The following TENM3 variants were observed in gnomAD, a reference collection of about 807,000 sequenced individuals.
TENM3 encodes the protein teneurin-3.
TENM3 carries 63 observed loss-of-function variants against 255.1 expected under a neutral mutation model. The ratio of observed to expected loss-of-function variants is 0.25; its 90% CI spans 0.20 to 0.30. The LOEUF (loss-of-function observed/expected upper bound fraction) is 0.30, where lower values mean the gene tolerates loss of function less well. Ranked by LOEUF, TENM3 falls within the 10% of genes least tolerant of loss-of-function variation. The pLI, the probability that TENM3 is intolerant of heterozygous loss-of-function variation, is 1.00. For synonymous variants in TENM3, 1,306 were observed against 1,322.3 expected (o/e 0.99, Z 0.27); for missense variants, 2,929 against 3,461.1 (o/e 0.85, Z 3.86).
the TENM3 span, among the ~76,000 whole-genome samples, chr4:181,913,210 C>T: frequency 2.0e-5 from 3 of 151,848 alleles, no homozygotes; most frequent in Non-Finnish European, 2.9e-5. Context: ...ACGCAGAAGC[C>T]GAGACAGGAA....
At chr4:181,546,766 G>T in the TENM3 span, among the ~76,000 whole-genome samples, 5,564 of 150,762 alleles carry the variant, frequency 0.037, 140 homozygotes, top group Non-Finnish European at 0.058. Context: ...GTCATGTGTA[G>T]ATCTTTATAG....
the TENM3 span, among the ~76,000 whole-genome samples, chr4:181,753,662 A>C: frequency 6.6e-6 from 1 of 152,370 alleles, no homozygotes; most frequent in East Asian, 1.9e-4. Context: ...CTTTGAAGTC[A>C]ACAGCAAACA....
chr4:182,598,601 T>C (rs1011543201), intron 3 of TENM3, among the ~76,000 whole-genome samples: 3 of 152,238 alleles, frequency 2.0e-5, no homozygotes, highest in Non-Finnish European at 4.4e-5. Flanking sequence ...ATCATTTCTC[T>C]TTCAGTAACA....
At chr4:182,345,986 T>C (rs895154463) in intron 2 of TENM3, among the ~76,000 whole-genome samples, 1 of 152,116 alleles carries the variant, frequency 6.6e-6, no homozygotes, top group African/African-American at 2.4e-5. Context: ...AAGTCAAAAA[T>C]GTACAAAATA....
intron 12 of TENM3, among the ~76,000 whole-genome samples, chr4:182,703,986 T>TA (rs894807311): frequency 3.3e-5 from 5 of 152,222 alleles, no homozygotes; most frequent in Admixed American, 6.5e-5. Flanking sequence ...TCCTAAATCT[T>TA]AAATAGCCAA....
At chr4:181,544,167 T>C in the TENM3 span, among the ~76,000 whole-genome samples, 44 of 152,094 alleles carry the variant, frequency 2.9e-4, no homozygotes, top group African/African-American at 1.0e-3. Flanking sequence ...AAATAACCAA[T>C]GGTGGCAAGT....
intron 1 of TENM3, among the ~76,000 whole-genome samples, chr4:182,293,857 A>G (rs1761285870): frequency 6.6e-6 from 1 of 152,168 alleles, no homozygotes; most frequent in African/African-American, 2.4e-5. Context: ...TAATTAAACT[A>G]ATTCGCACTG....
chr4:181,723,843 C>A, the TENM3 span, among the ~76,000 whole-genome samples: 1 of 152,108 alleles, frequency 6.6e-6, no homozygotes, highest in Non-Finnish European at 1.5e-5. Context: ...CCTGTAAAGT[C>A]TGGACATTCT....
chr4:182,221,618 C>T (rs1755856890), intron 1 of TENM3, among the ~76,000 whole-genome samples: 1 of 152,136 alleles, frequency 6.6e-6, no homozygotes, highest in Non-Finnish European at 1.5e-5. Context: ...ATATACCATC[C>T]ATTTTCAGAA....
intron 12 of TENM3, among the ~76,000 whole-genome samples, chr4:182,693,053 A>G (rs931810831): frequency 1.3e-5 from 2 of 152,120 alleles, no homozygotes; most frequent in African/African-American, 2.4e-5. Context: ...TGTTTTTCCT[A>G]TGGCATTGAA....
chr4:182,437,074 A>AACTTCTC, intron 3 of TENM3, among the ~76,000 whole-genome samples: 1 of 152,282 alleles, frequency 6.6e-6, no homozygotes, highest in South Asian at 2.1e-4. Context: ...TGAAGGAAAG[A>AACTTCTC]ACTTCTCAAC....
intron 3 of TENM3, among the ~76,000 whole-genome samples, chr4:182,562,028 A>ATAGG (rs1743246183): frequency 6.6e-6 from 1 of 151,580 alleles, no homozygotes; most frequent in Non-Finnish European, 1.5e-5. Flanking sequence ...AGATAGATAG[A>ATAGG]TAGATACACA....
chr4:181,863,901 G>A, the TENM3 span, among the ~76,000 whole-genome samples: 1 of 152,078 alleles, frequency 6.6e-6, no homozygotes, highest in African/African-American at 2.4e-5. Flanking sequence ...CCCATGATGA[G>A]CAAATATAAA....
chr4:181,561,351 T>C, the TENM3 span, among the ~76,000 whole-genome samples: 1 of 150,226 alleles, frequency 6.7e-6, no homozygotes, highest in Non-Finnish European at 1.5e-5. Flanking sequence ...CCAAAAACTT[T>C]CTTGAGTATG....
chr4:181,773,370 G>A, the TENM3 span, among the ~76,000 whole-genome samples: 10 of 152,244 alleles, frequency 6.6e-5, no homozygotes, highest in Middle Eastern at 0.01. Context: ...TGCAGAATCC[G>A]ATCAGTATTT....
intron 2 of TENM3, among the ~76,000 whole-genome samples, chr4:182,345,062 T>A (rs914180880): frequency 2.2e-4 from 34 of 152,116 alleles, no homozygotes; most frequent in African/African-American, 7.2e-4. Context: ...CGTGTTCACA[T>A]CTCTCTGATA....
At chr4:182,107,358 G>A in the TENM3 span, among the ~76,000 whole-genome samples, 5 of 152,072 alleles carry the variant, frequency 3.3e-5, no homozygotes, top group Non-Finnish European at 7.4e-5. Context: ...GCCCACCCTG[G>A]GTTTTACGCC....
chr4:181,979,095 G>GATAT, the TENM3 span, among the ~76,000 whole-genome samples: 1 of 72,178 alleles, frequency 1.4e-5, no homozygotes, highest in African/African-American at 5.5e-5. Flanking sequence ...CATTAAGCCT[G>GATAT]ACATATATAT....
intron 4 of TENM3, among the ~76,000 whole-genome samples, chr4:182,609,639 A>G (rs1365505292): frequency 6.6e-6 from 1 of 152,226 alleles, no homozygotes; most frequent in Non-Finnish European, 1.5e-5. Flanking sequence ...TACATCTCAC[A>G]GTAATATAAT....
Sources: gnomAD v4.1 joint callset for allele counts (sites outside exome capture counted in the v4.1 genomes callset) on GRCh38, gnomAD v4.1.1 for gene constraint, MANE v1.5 for transcripts, NCBI Gene and HGNC (gene_info 2026-07-23, HGNC 2026-07-21) for gene names.